Variants in CSMD1 observed in about 807,000 individuals in gnomAD.
CSMD1 encodes the protein CUB and Sushi multiple domains 1.
In CSMD1, 213 loss-of-function variants were observed where a neutral mutation model predicts 417.5. The observed-to-expected ratio is 0.51, with a 90% CI of 0.46 to 0.57. The LOEUF (loss-of-function observed/expected upper bound fraction) is 0.57. Ranked by LOEUF, CSMD1 falls within the 20% of genes least tolerant of loss-of-function variation. CSMD1 has a pLI of 0.00. For synonymous variants in CSMD1, 2,862 were observed against 1,736.8 expected (o/e 1.65, Z -16.11); for missense variants, 6,923 against 4,529.7 (o/e 1.53, Z -15.17).
intron 3 of CSMD1, among the ~76,000 whole-genome samples, chr8:4,191,390 T>C (rs537362725): frequency 1.3e-5 from 2 of 152,026 alleles, no homozygotes; most frequent in Admixed American, 1.3e-4. Flanking sequence ...AGCAAGACTC[T>C]GTCTCAGAAA....
chr8:3,668,302 T>A (rs145350639), intron 7 of CSMD1, among the ~76,000 whole-genome samples: 2 of 151,990 alleles, frequency 1.3e-5, no homozygotes, highest in African/African-American at 4.8e-5. Flanking sequence ...AGATATGAAG[T>A]GAGAGGATTA....
chr8:3,603,663 A>C (rs375937422), intron 8 of CSMD1, among the ~76,000 whole-genome samples: 41 of 152,376 alleles, frequency 2.7e-4, no homozygotes, highest in African/African-American at 9.4e-4. Context: ...ACAAGAAACC[A>C]AACTTGAATG....
chr8:3,174,404 AGGATTG>A (rs1820779744), intron 37 of CSMD1, among the ~76,000 whole-genome samples: 1 of 152,192 alleles, frequency 6.6e-6, no homozygotes, highest in Admixed American at 6.5e-5. Flanking sequence ...CTGAGGTGGG[AGGATTG>A]CTTGAACCCA....
intron 3 of CSMD1, among the ~76,000 whole-genome samples, chr8:4,133,955 C>T (rs1327602197): frequency 6.6e-6 from 1 of 152,200 alleles, no homozygotes; most frequent in South Asian, 2.1e-4. Context: ...TCAGGTCATG[C>T]AAACAAACAT....
chr8:3,814,582 G>A (rs962637093), intron 5 of CSMD1, among the ~76,000 whole-genome samples: 1 of 152,172 alleles, frequency 6.6e-6, no homozygotes, highest in African/African-American at 2.4e-5. Flanking sequence ...GCACCTAGTG[G>A]TAAGGCCATG....
intron 1 of CSMD1, among the ~76,000 whole-genome samples, chr8:4,757,187 T>A (rs751238287): frequency 1.3e-5 from 2 of 152,224 alleles, no homozygotes; most frequent in Non-Finnish European, 2.9e-5. Context: ...GGATTTACTT[T>A]ATCAATATTA....
intron 3 of CSMD1, among the ~76,000 whole-genome samples, chr8:4,331,890 TTAAC>T (rs1351956600): frequency 2.0e-5 from 3 of 152,156 alleles, no homozygotes; most frequent in Non-Finnish European, 4.4e-5. Flanking sequence ...GCTAGAGAGT[TTAAC>T]TATGGAAAAG....
At chr8:2,952,165 T>C (rs1164515485) in intron 65 of CSMD1, among the ~76,000 whole-genome samples, 1 of 152,216 alleles carries the variant, frequency 6.6e-6, no homozygotes, top group East Asian at 1.9e-4. Context: ...TACTCTTTGT[T>C]TTCTGCCTTC....
At chr8:4,382,709 G>C (rs968611065) in intron 3 of CSMD1, among the ~76,000 whole-genome samples, 1 of 151,370 alleles carries the variant, frequency 6.6e-6, no homozygotes, top group African/African-American at 2.4e-5. Flanking sequence ...GAATTTACTG[G>C]CTTCTTTGTT....
intron 3 of CSMD1, among the ~76,000 whole-genome samples, chr8:4,418,836 T>C (rs1352911427): frequency 6.6e-6 from 1 of 152,142 alleles, no homozygotes; most frequent in Non-Finnish European, 1.5e-5. Flanking sequence ...TTCCAGCCAC[T>C]GACGCTGGCT....
At chr8:3,363,034 T>C (rs2117732657) in intron 20 of CSMD1, among the ~76,000 whole-genome samples, 1 of 152,204 alleles carries the variant, frequency 6.6e-6, no homozygotes, top group East Asian at 1.9e-4. Context: ...CCTCCATAAC[T>C]AACTTCACGT....
intron 1 of CSMD1, among the ~76,000 whole-genome samples, chr8:4,862,741 AAC>A (rs1289586218): frequency 1.3e-5 from 2 of 152,100 alleles, no homozygotes; most frequent in Admixed American, 6.5e-5. Context: ...CGGAAATAAA[AAC>A]ACAGTAGCGA....
chr8:3,865,668 A>C (rs977525812), intron 5 of CSMD1, among the ~76,000 whole-genome samples: 3 of 152,166 alleles, frequency 2.0e-5, no homozygotes, highest in African/African-American at 2.4e-5. Context: ...AGTCCTGTTA[A>C]GTACCAGGCA....
intron 26 of CSMD1, among the ~76,000 whole-genome samples, chr8:3,283,153 A>G (rs952330734): frequency 6.6e-6 from 1 of 152,142 alleles, no homozygotes; most frequent in South Asian, 2.1e-4. Flanking sequence ...TTCCTCTGTC[A>G]TATTAGCTTC....
chr8:3,577,001 G>A (rs571822089), intron 9 of CSMD1, among the ~76,000 whole-genome samples: 55 of 152,194 alleles, frequency 3.6e-4, no homozygotes, highest in African/African-American at 1.3e-3. Context: ...TGGCATTGTC[G>A]GCCTGCATTT....
rs1563087694 is a variant in CSMD1, at chr8:3,795,389, T to TATAGATATCTATCATAGATATAG, written c.819-41370_819-41348dup. Among the ~76,000 whole-genome samples, 39 of 44,704 alleles carry TATAGATATCTATCATAGATATAG rather than the reference T, an allele frequency of 8.7e-4. 15 individuals carry two copies. Among genetic ancestry groups the TATAGATATCTATCATAGATATAG allele is most frequent in the South Asian group, 2.9e-3 (4 of 1,382 alleles). The allele number at this position is 44,704 out of a possible 152,430, so 29.3% of individuals were successfully genotyped here. A position where few individuals can be genotyped will look rare whatever the true frequency, so the allele number is the denominator to read the frequency against. ...TATATAGATATATATCATGTATAGA[T>TATAGATATCTATCATAGATATAG]ATAGATATCTATCATAGATATAGAT... is the stretch of plus-strand genomic sequence containing the variant. On this transcript the variant is annotated intron_variant, in intron 5 of 69. Coordinates refer to ENST00000635120, the MANE Select transcript of CSMD1 (RefSeq NM_033225.6).
chr8:3,624,512 G>C (rs1425694688), intron 7 of CSMD1, among the ~76,000 whole-genome samples: 3 of 152,188 alleles, frequency 2.0e-5, no homozygotes, highest in Admixed American at 2.0e-4. Context: ...GTTGGTACTT[G>C]TTTCTTCAAA....
intron 3 of CSMD1, among the ~76,000 whole-genome samples, chr8:4,178,171 G>T (rs1396207250): frequency 1.3e-5 from 2 of 152,094 alleles, no homozygotes; most frequent in African/African-American, 2.4e-5. Context: ...GATTGATGCA[G>T]AAACCCTCAA....
intron 3 of CSMD1, among the ~76,000 whole-genome samples, chr8:4,215,473 AT>A (rs1450938691): frequency 6.8e-6 from 1 of 147,414 alleles, no homozygotes; most frequent in Admixed American, 6.9e-5. Flanking sequence ...TGAGAAAAGA[AT>A]TTGGGGGCCG....
Sources: gnomAD v4.1 joint callset for allele counts (sites outside exome capture counted in the v4.1 genomes callset) on GRCh38, gnomAD v4.1.1 for gene constraint, MANE v1.5 for transcripts, NCBI Gene and HGNC (gene_info 2026-07-23, HGNC 2026-07-21) for gene names.